CLPB: variants seen among roughly 807,000 people sequenced by gnomAD.
The protein encoded by CLPB is mitochondrial disaggregase.
In CLPB, 40 loss-of-function variants were observed where a neutral mutation model predicts 78.4. The ratio of observed to expected loss-of-function variants is 0.51; its 90% confidence interval spans 0.40 to 0.66. CLPB has a LOEUF of 0.66. Ranked by LOEUF, CLPB falls within the 30% of genes least tolerant of loss-of-function variation. The pLI is 0.00. For missense variants in CLPB, 780 were observed against 886.9 expected, an observed-to-expected ratio of 0.88 and a Z score of 1.53; for synonymous variants, 333 against 348.0, an observed-to-expected ratio of 0.96 and a Z score of 0.48.
intron 2 of CLPB, among the ~76,000 whole-genome samples, 191 bp from the exon 3 acceptor site, chr11:72,403,243 G>A (rs918481077): frequency 1.3e-5 from 2 of 152,168 alleles, no homozygotes; most frequent in African/African-American, 2.4e-5. Context: ...AGGCCTTTGA[G>A]GACTACATTC....
chr11:72,398,876 G>A lies in CLPB; in HGVS notation c.542+4090C>T, dbSNP rs77931970. On this transcript the variant is annotated intron_variant, in intron 3 of 15. Coordinates refer to ENST00000538039, the MANE Select transcript of CLPB (RefSeq NM_001258392.3). ...AATGTTGGTAAAGCTTTGGCAGCAC[G>A]GCTACTGAAGACAATGGCCATCACA... Among the ~76,000 whole-genome samples the A allele has an allele frequency of 4.9e-3, 751 of 152,274 alleles. 11 individuals are homozygous for A. The East Asian group carries it at 0.063, about 13-fold the overall frequency.
intron 5 of CLPB, among the ~76,000 whole-genome samples, chr11:72,335,171 A>G (rs1950297092): frequency 6.6e-6 from 1 of 152,178 alleles, no homozygotes; most frequent in African/African-American, 2.4e-5. Flanking sequence ...GATTGGTGCC[A>G]CTATGGCTGG....
At chr11:72,361,029 G>C (rs944652083) in intron 4 of CLPB, among the ~76,000 whole-genome samples, 3 of 152,136 alleles carry the variant, frequency 2.0e-5, no homozygotes, top group Admixed American at 2.0e-4. Flanking sequence ...CTGTTTTCCT[G>C]TTTGGGTGAA....
chr11:72,360,176 T>C (rs1950808307), intron 4 of CLPB, among the ~76,000 whole-genome samples: 1 of 152,114 alleles, frequency 6.6e-6, no homozygotes, highest in Admixed American at 6.5e-5. Flanking sequence ...TGAGCTGAGT[T>C]TGTAGGGGTA....
intron 3 of CLPB, among the ~76,000 whole-genome samples, chr11:72,383,989 C>T (rs896717860): frequency 6.6e-6 from 1 of 151,908 alleles, no homozygotes; most frequent in Non-Finnish European, 1.5e-5. Flanking sequence ...AACAGACAGA[C>T]AAACAAATAC....
intron 2 of CLPB, among the ~76,000 whole-genome samples, chr11:72,426,318 C>T (rs776075521): frequency 8.5e-5 from 13 of 152,194 alleles, no homozygotes; most frequent in African/African-American, 2.2e-4. Context: ...CTGACAACTC[C>T]TCACATGGCT....
intron 5 of CLPB, among the ~76,000 whole-genome samples, chr11:72,342,780 T>C (rs536212924): frequency 6.6e-6 from 1 of 152,294 alleles, no homozygotes; most frequent in African/African-American, 2.4e-5. Flanking sequence ...ATTACACTGT[T>C]AACGTCTGGG....
chr11:72,393,744 C>G (rs1855321044), intron 3 of CLPB, among the ~76,000 whole-genome samples: 1 of 152,224 alleles, frequency 6.6e-6, no homozygotes, highest in Non-Finnish European at 1.5e-5. Context: ...TTTTAGTCAG[C>G]TTCTAGACTT....
chr11:72,333,850 G>C (rs7932324), intron 5 of CLPB, among the ~76,000 whole-genome samples: 116,266 of 152,026 alleles, frequency 0.76, 44,554 homozygotes, highest in East Asian at 0.8. Context: ...TCCCCTCCCC[G>C]CAGAGCTAAA....
At chr11:72,432,099 G>A (rs1856560720) in intron 1 of CLPB, among the ~76,000 whole-genome samples, 1 of 151,990 alleles carries the variant, frequency 6.6e-6, no homozygotes, top group South Asian at 2.1e-4. Flanking sequence ...TGGCATCCAG[G>A]CCCCACTCCA....
intron 2 of CLPB, among the ~76,000 whole-genome samples, chr11:72,415,357 C>T (rs969139020): frequency 6.6e-6 from 1 of 152,158 alleles, no homozygotes; most frequent in African/African-American, 2.4e-5. Context: ...GTCAGCACAC[C>T]ATAGTTGTCT....
chr11:72,391,922 G>T (rs1307453095), intron 3 of CLPB, among the ~76,000 whole-genome samples: 1 of 152,176 alleles, frequency 6.6e-6, no homozygotes, highest in Non-Finnish European at 1.5e-5. Flanking sequence ...CTTTCAGGGT[G>T]GTGGGGAGTC....
At chr11:72,389,447 G>A (rs1171987761) in intron 3 of CLPB, among the ~76,000 whole-genome samples, 1 of 152,184 alleles carries the variant, frequency 6.6e-6, no homozygotes, top group Non-Finnish European at 1.5e-5. Context: ...CACTATTACT[G>A]TCTTAAATTT....
intron 5 of CLPB, among the ~76,000 whole-genome samples, chr11:72,350,686 C>A (rs189807616): frequency 1.4e-3 from 210 of 152,318 alleles, no homozygotes; most frequent in Middle Eastern, 3.4e-3. Context: ...AACAGAGGGG[C>A]TCATCTCCTC....
chr11:72,418,104 A>G (rs1590925023), intron 2 of CLPB, among the ~76,000 whole-genome samples: 1 of 152,148 alleles, frequency 6.6e-6, no homozygotes, highest in Non-Finnish European at 1.5e-5. Context: ...GATCCTGGAG[A>G]CCAGTCAGCC....
At chr11:72,328,019 C>T (rs1950159985) in intron 6 of CLPB, among the ~76,000 whole-genome samples, 1 of 152,176 alleles carries the variant, frequency 6.6e-6, no homozygotes. Flanking sequence ...CCAAATATTT[C>T]CAGCTCTCCC....
chr11:72,337,543 A>T (rs1447049222), intron 5 of CLPB, among the ~76,000 whole-genome samples: 1 of 152,230 alleles, frequency 6.6e-6, no homozygotes, highest in Non-Finnish European at 1.5e-5. Context: ...ATTCTGAGAA[A>T]GTAGAGGCTC....
At chr11:72,295,363 A>G in intron 12 of CLPB, 129 bp downstream of exon 12, 1 of 898,054 alleles carries the variant, frequency 1.1e-6, no homozygotes, top group South Asian at 1.8e-5. Context: ...ATATCTGCTC[A>G]GTGTCAGCTA....
intron 6 of CLPB, among the ~76,000 whole-genome samples, chr11:72,320,729 T>A (rs1357480919): frequency 6.6e-6 from 1 of 152,156 alleles, no homozygotes; most frequent in Non-Finnish European, 1.5e-5. Flanking sequence ...ATATATATTT[T>A]TTGAGACAGA....
Sources: allele counts gnomAD v4.1 joint callset (sites outside exome capture counted in the v4.1 genomes callset), GRCh38; gene constraint gnomAD v4.1.1; transcripts MANE v1.5; gene names NCBI Gene and HGNC (gene_info 2026-07-23, HGNC 2026-07-21).